Variants in CNTNAP2 observed in about 807,000 individuals in gnomAD.
CNTNAP2 encodes contactin associated protein 2.
CNTNAP2 carries 98 observed loss-of-function variants against 155.2 expected under a neutral mutation model. That is an observed-to-expected ratio of 0.63 (90% CI 0.54 to 0.75). CNTNAP2 has a LOEUF of 0.75. Ranked by LOEUF, CNTNAP2 falls within the 30% of genes least tolerant of loss-of-function variation. The pLI is 0.00. For missense variants in CNTNAP2, 1,727 were observed against 1,688.1 expected (o/e 1.02, Z -0.40); for synonymous variants, 651 against 631.2 (o/e 1.03, Z -0.47).
intron 19 of CNTNAP2, among the ~76,000 whole-genome samples, chr7:148,223,066 C>T (rs573267224): frequency 6.6e-6 from 1 of 152,296 alleles, no homozygotes; most frequent in East Asian, 1.9e-4. Context: ...TCAGCAACCC[C>T]TACTCTTCGT....
chr7:147,325,737 A>G (rs1795442749), intron 9 of CNTNAP2, among the ~76,000 whole-genome samples: 1 of 152,202 alleles, frequency 6.6e-6, no homozygotes, highest in African/African-American at 2.4e-5. Flanking sequence ...ATAAAGCATA[A>G]AAGTTACCAT....
At position 147,369,196 on chromosome 7, in the gene CNTNAP2, C is replaced by T. The variant is rs150319232; in HGVS notation, c.1499-26413C>T. ...ATGTTAGAACTTGAAAAAGCACTTG[C>T]TATTTTGGATTTAGTTTATTCCTTC... On this transcript the variant is annotated intron_variant, in intron 9 of 23. Coordinates refer to ENST00000361727, the MANE Select transcript of CNTNAP2 (RefSeq NM_014141.6). 1.8e-3 allele frequency among the ~76,000 whole-genome samples: 280 copies of T among 152,282 alleles called. 2 individuals carry two copies. Among genetic ancestry groups the T allele is most frequent in the African/African-American group, 6.2e-3 (259 of 41,548 alleles).
At chr7:146,150,438 A>T (rs112978318) in intron 1 of CNTNAP2, among the ~76,000 whole-genome samples, 2,321 of 152,232 alleles carry the variant, frequency 0.015, 52 homozygotes, top group African/African-American at 0.052. Flanking sequence ...TTACAACAGG[A>T]CTTGTAAAAA....
chr7:146,483,328 T>TACAC lies in CNTNAP2; in HGVS notation c.98-290940_98-290939insCACA, dbSNP rs1554439609. 1.7e-4 allele frequency among the ~76,000 whole-genome samples: 14 copies of TACAC among 81,540 alleles called. 1 individual carries two copies. Among genetic ancestry groups the TACAC allele is most frequent in the African/African-American group, 7.1e-4 (11 of 15,452 alleles). 53.5% of individuals were successfully genotyped at this position (81,540 alleles called of 152,430 possible). On this transcript the variant is annotated intron_variant, in intron 1 of 23. Transcript: ENST00000361727. ...ATATATATATATATATATATATATA[T>TACAC]ACATATATATATATTTAAGCACAGA...
At chr7:147,009,135 C>T (rs1798578386) in intron 3 of CNTNAP2, among the ~76,000 whole-genome samples, 1 of 151,988 alleles carries the variant, frequency 6.6e-6, no homozygotes, top group Non-Finnish European at 1.5e-5. Context: ...CACAAACATA[C>T]ATATAAGTAG....
At chr7:146,408,996 A>G (rs1318853187) in intron 1 of CNTNAP2, among the ~76,000 whole-genome samples, 4 of 152,132 alleles carry the variant, frequency 2.6e-5, no homozygotes, top group Admixed American at 2.0e-4. Flanking sequence ...AATGATGACT[A>G]TATATATAAT....
intron 10 of CNTNAP2, among the ~76,000 whole-genome samples, chr7:147,421,943 G>A (rs959182496): frequency 1.3e-4 from 20 of 151,930 alleles, no homozygotes; most frequent in Middle Eastern, 3.4e-3. Context: ...AACCTCCCCA[G>A]AAGTTGAGCA....
intron 16 of CNTNAP2, among the ~76,000 whole-genome samples, chr7:148,120,422 G>A (rs1804573438): frequency 6.6e-6 from 1 of 151,834 alleles, no homozygotes; most frequent in Non-Finnish European, 1.5e-5. Flanking sequence ...GCGTGGCACT[G>A]CACCTGGCTA....
intron 15 of CNTNAP2, among the ~76,000 whole-genome samples, chr7:148,034,833 T>C (rs531224028): frequency 1.4e-4 from 21 of 152,280 alleles, no homozygotes; most frequent in African/African-American, 4.8e-4. Flanking sequence ...ATTACTAAGT[T>C]GTTGTGATCA....
At chr7:147,630,233 A>G (rs1795059821) in intron 12 of CNTNAP2, among the ~76,000 whole-genome samples, 1 of 151,630 alleles carries the variant, frequency 6.6e-6, no homozygotes, top group Non-Finnish European at 1.5e-5. Context: ...AATTCCTGGA[A>G]ATATACAACC....
chr7:146,662,146 T>G (rs1239567007), intron 1 of CNTNAP2, among the ~76,000 whole-genome samples: 1 of 152,130 alleles, frequency 6.6e-6, no homozygotes, highest in Non-Finnish European at 1.5e-5. Context: ...TCTCTCCTTT[T>G]TTTTTTTTAG....
At chr7:146,291,654 G>A (rs543245622) in intron 1 of CNTNAP2, among the ~76,000 whole-genome samples, 284 of 152,262 alleles carry the variant, frequency 1.9e-3, no homozygotes, top group Non-Finnish European at 3.2e-3. Flanking sequence ...TGCACAGAAT[G>A]AGTAACAGCA....
chr7:148,318,248 C>T (rs1025046186), intron 21 of CNTNAP2, among the ~76,000 whole-genome samples: 6 of 152,192 alleles, frequency 3.9e-5, no homozygotes, highest in Admixed American at 2.0e-4. Context: ...CCACATCCAT[C>T]AAACCGCCCC....
intron 15 of CNTNAP2, among the ~76,000 whole-genome samples, chr7:147,987,388 T>C (rs1036071800): frequency 6.6e-6 from 1 of 152,212 alleles, no homozygotes; most frequent in African/African-American, 2.4e-5. Flanking sequence ...GTTTTACAAT[T>C]GACATGATAT....
At chr7:147,622,530 A>G (rs1794879429) in intron 12 of CNTNAP2, among the ~76,000 whole-genome samples, 1 of 152,088 alleles carries the variant, frequency 6.6e-6, no homozygotes, top group Non-Finnish European at 1.5e-5. Flanking sequence ...CTCCTGAATG[A>G]CCAGTGGGCC....
At chr7:146,838,304 A>AT (rs966888127) in intron 2 of CNTNAP2, among the ~76,000 whole-genome samples, 82 of 151,990 alleles carry the variant, frequency 5.4e-4, no homozygotes, top group African/African-American at 1.9e-3. Context: ...TAAAACAGTG[A>AT]TTTTTTAAAA....
chr7:148,280,910 C>A (rs1796963733), intron 21 of CNTNAP2, among the ~76,000 whole-genome samples: 1 of 137,136 alleles, frequency 7.3e-6, no homozygotes, highest in African/African-American at 2.6e-5. Context: ...CAGAGGGAGA[C>A]TCCATCTCAA....
chr7:148,095,206 C>T (rs1803937583), intron 15 of CNTNAP2, among the ~76,000 whole-genome samples: 1 of 152,158 alleles, frequency 6.6e-6, no homozygotes, highest in South Asian at 2.1e-4. Flanking sequence ...CCTAGTGTAA[C>T]CCTGCAAAGA....
At chr7:148,322,067 C>T (rs1301586971) in intron 21 of CNTNAP2, among the ~76,000 whole-genome samples, 1 of 151,566 alleles carries the variant, frequency 6.6e-6, no homozygotes, top group East Asian at 1.9e-4. Flanking sequence ...ATTACAGGCG[C>T]ACACCACTGC....
Sources: allele counts gnomAD v4.1 joint callset (sites outside exome capture counted in the v4.1 genomes callset), GRCh38; gene constraint gnomAD v4.1.1; transcripts MANE v1.5; gene names NCBI Gene and HGNC (gene_info 2026-07-23, HGNC 2026-07-21).